Variants in DIP2C observed in about 807,000 individuals in gnomAD.
DIP2C encodes the protein DIP2 acetate--CoA ligase C (putative).
Under a neutral mutation model 192.4 loss-of-function variants are expected in DIP2C, and 33 were observed. The ratio of observed to expected loss-of-function variants is 0.17; its 90% CI spans 0.13 to 0.23. The LOEUF is 0.23. Among genes scored for constraint, DIP2C ranks in the 10% least tolerant of loss-of-function variants. The pLI is 1.00. For missense variants in DIP2C, 1,537 were observed against 2,110.1 expected (o/e 0.73, Z 5.32); for synonymous variants, 979 against 864.1 (o/e 1.13, Z -2.33).
intron 22 of DIP2C, 150 bp downstream of exon 22, chr10:362,340 C>T: frequency 2.3e-6 from 2 of 871,756 alleles, no homozygotes; most frequent in Non-Finnish European, 3.4e-6. Context: ...CAAGTTGCCC[C>T]CACCCATTCT....
rs150964492 is a variant in DIP2C, at chr10:392,226, C to T, written c.1261-1363G>A. ...AGGGGCAGAGGTGGGGCGACATCAG[C>T]TTCTGCAGCAGGAAGGCGGCTCTGC... On this transcript the variant is annotated intron_variant, in intron 10 of 36. Transcript: ENST00000280886. 5.4e-3 allele frequency among the ~76,000 whole-genome samples: 825 copies of T among 152,316 alleles called. 5 individuals are homozygous for T. The highest frequency in any genetic ancestry group is 0.015 in the Admixed American group (234 of 15,300).
At chr10:552,673 AC>A (rs1290981916) in intron 1 of DIP2C, among the ~76,000 whole-genome samples, 1 of 152,134 alleles carries the variant, frequency 6.6e-6, no homozygotes, top group African/African-American at 2.4e-5. Context: ...ACACGGTGAA[AC>A]CCCGTCTCTA....
chr10:571,228 GCAAA>G (rs1189610023), intron 1 of DIP2C, among the ~76,000 whole-genome samples: 10 of 152,376 alleles, frequency 6.6e-5, no homozygotes, highest in African/African-American at 2.2e-4. Context: ...CAACCTGACA[GCAAA>G]CAGTGGCTGT....
At chr10:559,438 TA>T (rs1215893243) in intron 1 of DIP2C, among the ~76,000 whole-genome samples, 2 of 152,070 alleles carry the variant, frequency 1.3e-5, no homozygotes, top group East Asian at 1.9e-4. Flanking sequence ...GGAAGGAACA[TA>T]TTTAAAAGCC....
intron 17 of DIP2C, among the ~76,000 whole-genome samples, chr10:378,750 AACACATGCCTAGACACGTGAAC>A (rs966038501): frequency 5.9e-5 from 9 of 151,970 alleles, no homozygotes; most frequent in South Asian, 2.1e-4. Flanking sequence ...GACACATGTG[AACACATGCCTAGACACGTGAAC>A]ACACATGCCT....
chr10:578,910 A>C (rs1251713993), intron 1 of DIP2C, among the ~76,000 whole-genome samples: 1 of 151,808 alleles, frequency 6.6e-6, no homozygotes, highest in African/African-American at 2.4e-5. Flanking sequence ...CCAGATCCAC[A>C]GTGTGTGCAC....
intron 1 of DIP2C, among the ~76,000 whole-genome samples, chr10:523,578 C>T (rs960390180): frequency 8.7e-5 from 13 of 149,130 alleles, no homozygotes; most frequent in Admixed American, 3.4e-4. Context: ...CCCACACGCT[C>T]GTTTCCACAT....
chr10:577,582 C>CATGATGGG (rs1247106042), intron 1 of DIP2C, among the ~76,000 whole-genome samples: 1 of 152,196 alleles, frequency 6.6e-6, no homozygotes, highest in African/African-American at 2.4e-5. Context: ...CAGAGGAACG[C>CATGATGGG]ATGATGGGAT....
intron 2 of DIP2C, among the ~76,000 whole-genome samples, chr10:479,762 T>C (rs888236188): frequency 6.6e-6 from 1 of 152,214 alleles, no homozygotes; most frequent in African/African-American, 2.4e-5. Context: ...ACACTGGAAA[T>C]TGTCAGTGAT....
At chr10:527,760 C>T (rs980504604) in intron 1 of DIP2C, among the ~76,000 whole-genome samples, 6 of 152,190 alleles carry the variant, frequency 3.9e-5, no homozygotes, top group African/African-American at 1.4e-4. Flanking sequence ...ACCACAGGCT[C>T]TCTCCTCTGT....
At chr10:364,718 G>T in intron 19 of DIP2C, 136 bp from the exon 20 acceptor site, 1 of 965,268 alleles carries the variant, frequency 1.0e-6, no homozygotes, top group Non-Finnish European at 1.5e-6. Context: ...CTAGGGCCGA[G>T]GTCACAGTGA....
chr10:419,327 C>G lies in DIP2C; in HGVS notation c.605-128G>C, dbSNP rs547918487. The G allele has an allele frequency of 1.4e-5, 18 of 1,318,418 alleles. No individual in the cohort carries two copies. In the East Asian group the frequency reaches 4.2e-4, roughly 31 times the overall value. The allele number at this position is 1,318,418 out of a possible 1,614,324, so 81.7% of individuals were successfully genotyped here. ...CTGGGTGTGCCATGGAAAGCCAGAGCCGATCTCAGCCGCATCTGCCACACA... is the reference window on the plus strand; with the variant it reads ...CTGGGTGTGCCATGGAAAGCCAGAGGCGATCTCAGCCGCATCTGCCACACA... On this transcript the variant is annotated intron_variant, in intron 5 of 36. Coordinates refer to ENST00000280886, the MANE Select transcript of DIP2C (RefSeq NM_014974.3).
At position 382,708 on chromosome 10, in the gene DIP2C, G is replaced by A. The variant is rs1290518085; in HGVS notation, c.1930C>T (p.Arg644Ter). ...GCACAAGGACAGATGACCTCCTGTC[G>A]AAGGCCTTTACTTTGGAAGACATTG... Reference protein sequence around the residue: ...FLNVFQSKGLRQEVICPCASS... With the variant: ...FLNVFQSKGL The change falls in exon 17 of 37, where the codon CGA becomes TGA. Residue 644 changes from arginine (R) to a stop codon, truncating the protein, a stop_gained. Transcript: ENST00000280886. LOFTEE classifies it high-confidence loss of function. 2 of 1,613,864 alleles carry A rather than the reference G, an allele frequency of 1.2e-6. No homozygotes were observed. The highest frequency in any genetic ancestry group is 1.1e-5 in the South Asian group (1 of 90,982).
At chr10:280,881 T>C (rs570750360) in intron 36 of DIP2C, among the ~76,000 whole-genome samples, 11 of 152,358 alleles carry the variant, frequency 7.2e-5, no homozygotes, top group African/African-American at 1.7e-4. Context: ...CCTACATATG[T>C]GTGAGGTTTG....
At chr10:454,544 A>G (rs1564732601) in intron 3 of DIP2C, among the ~76,000 whole-genome samples, 1 of 121,992 alleles carries the variant, frequency 8.2e-6, no homozygotes, top group Non-Finnish European at 1.5e-5. Context: ...TCAGAGAAAG[A>G]GGTAGTATAC....
chr10:524,688 TCTC>T (rs1435543503), intron 1 of DIP2C, among the ~76,000 whole-genome samples: 4 of 152,316 alleles, frequency 2.6e-5, no homozygotes, highest in African/African-American at 9.6e-5. Flanking sequence ...TGCATTGCAC[TCTC>T]GCAATTTCTT....
intron 1 of DIP2C, 93 bp from the exon 2 acceptor site, chr10:486,623 C>G (rs1564776749): frequency 9.9e-7 from 1 of 1,011,290 alleles, no homozygotes; most frequent in Non-Finnish European, 1.4e-6. Context: ...ATCACAGTAT[C>G]TTCTGTGTGC....
At chr10:319,121 C>G in intron 31 of DIP2C, among the ~76,000 whole-genome samples, 1 of 152,090 alleles carries the variant, frequency 6.6e-6, no homozygotes, top group South Asian at 2.1e-4. Flanking sequence ...CTATGTTGGG[C>G]AAGCTGGTCT....
chr10:404,528 ATTT>A (rs1320177825), intron 9 of DIP2C, among the ~76,000 whole-genome samples: 1 of 152,162 alleles, frequency 6.6e-6, no homozygotes, highest in Non-Finnish European at 1.5e-5. Flanking sequence ...AAGTTAAACA[ATTT>A]TTTATGAAAA....
Sources: gnomAD v4.1 joint callset for allele counts (sites outside exome capture counted in the v4.1 genomes callset) on GRCh38, gnomAD v4.1.1 for gene constraint, MANE v1.5 for transcripts, NCBI Gene and HGNC (gene_info 2026-07-23, HGNC 2026-07-21) for gene names.